COX5A: variants seen among roughly 807,000 people sequenced by gnomAD.
COX5A encodes the protein cytochrome c oxidase subunit 5A, mitochondrial.
Under a neutral mutation model 16.1 loss-of-function variants are expected in COX5A, and 6 were observed. The observed-to-expected ratio is 0.37, with a 90% confidence interval of 0.20 to 0.73. The LOEUF (loss-of-function observed/expected upper bound fraction) is 0.73, where lower values mean the gene tolerates loss of function less well. COX5A is among the 30% of genes least tolerant of loss of function. The probability of loss-of-function intolerance (pLI) is 0.50; values close to 1 mark genes in which losing one functional copy is unlikely to be tolerated. For missense variants in COX5A, 159 were observed against 194.9 expected, an observed-to-expected ratio of 0.82 and a Z score of 1.10; for synonymous variants, 73 against 73.8, an observed-to-expected ratio of 0.99 and a Z score of 0.06.
intron 1 of COX5A, 123 bp downstream of exon 1, chr15:74,937,792 C>G: frequency 1.7e-6 from 1 of 593,168 alleles, no homozygotes; most frequent in South Asian, 9.1e-5. Context: ...CCCGCGGTCA[C>G]CGGGTTCAGT....
At chr15:74,932,438 A>G (rs1392330356) in intron 1 of COX5A, among the ~76,000 whole-genome samples, 1 of 152,128 alleles carries the variant, frequency 6.6e-6, no homozygotes, top group Non-Finnish European at 1.5e-5. Flanking sequence ...GTGAGCCACC[A>G]TGCCCAGCCT....
intron 2 of COX5A, among the ~76,000 whole-genome samples, chr15:74,928,541 C>G (rs899869977): frequency 1.3e-5 from 2 of 152,082 alleles, no homozygotes; most frequent in Admixed American, 6.6e-5. Context: ...CCCGCCACCA[C>G]GTCCGGCTAA....
chr15:74,925,306 G>A (rs1358507510), intron 3 of COX5A, among the ~76,000 whole-genome samples: 2 of 151,880 alleles, frequency 1.3e-5, no homozygotes, highest in Non-Finnish European at 2.9e-5. Context: ...ACTCTGTCTC[G>A]AAAAAATAAA....
chr15:74,932,025 C>T (rs1163606807), intron 1 of COX5A, among the ~76,000 whole-genome samples: 1 of 152,216 alleles, frequency 6.6e-6, no homozygotes, highest in Non-Finnish European at 1.5e-5. Context: ...TCTTCGCTCT[C>T]TCTGTTTGAC....
chr15:74,929,071 A>G, intron 2 of COX5A, 45 bp downstream of exon 2: 4 of 1,346,578 alleles, frequency 3.0e-6, no homozygotes, highest in South Asian at 2.3e-5. Context: ...GAAGCAGTTC[A>G]TATTTACACA....
In COX5A at chr15:74,937,922, G is replaced by A; in HGVS notation, c.93C>T (p.Pro31=). 1 of 1,231,586 alleles carries A rather than the reference G, an allele frequency of 8.1e-7. No individual in the cohort carries two copies. Among genetic ancestry groups the A allele is most frequent in the East Asian group, 3.2e-5 (1 of 31,628 alleles). The allele number at this position is 1,231,586 out of a possible 1,614,324, so 76.3% of individuals were successfully genotyped here. A position where few individuals can be genotyped will look rare whatever the true frequency, so the allele number is the denominator to read the frequency against. The stretch of plus-strand genomic sequence containing the variant: ...GGCAAGCAGGGGCCTTACCCACGGC[G>A]GGGCCGGGGGTCCGGGCGGAGTGCA... ...GLLHSARTPG[P]AVAIQSVRCY... Residue 31 remains proline (P), a synonymous_variant, in exon 1 of 5, where the codon CCC becomes CCT. Transcript: ENST00000322347.
chr15:74,932,385 C>G (rs549689958), intron 1 of COX5A, among the ~76,000 whole-genome samples: 2 of 152,102 alleles, frequency 1.3e-5, no homozygotes, highest in Admixed American at 1.3e-4. Flanking sequence ...AAACTCCTAG[C>G]CTCAAGCAAT....
chr15:74,922,597 C>T (rs969795186), intron 4 of COX5A, among the ~76,000 whole-genome samples: 5 of 151,946 alleles, frequency 3.3e-5, no homozygotes, highest in Non-Finnish European at 5.9e-5. Context: ...TCAAGCAATC[C>T]TTCCACCTTA....
At chr15:74,927,636 G>T (rs2065350052) in intron 2 of COX5A, among the ~76,000 whole-genome samples, 2 of 152,070 alleles carry the variant, frequency 1.3e-5, no homozygotes, top group Admixed American at 1.3e-4. Context: ...GCCGGGCGTG[G>T]TGGCACATGC....
At chr15:74,923,270 A>G (rs755207017) in intron 4 of COX5A, among the ~76,000 whole-genome samples, 2 of 152,054 alleles carry the variant, frequency 1.3e-5, no homozygotes, top group African/African-American at 2.4e-5. Context: ...CTAAAAATAC[A>G]AAAATTAGCC....
intron 1 of COX5A, among the ~76,000 whole-genome samples, chr15:74,930,783 C>T (rs1451057033): frequency 7.4e-5 from 11 of 148,638 alleles, no homozygotes; most frequent in Admixed American, 1.3e-4. Flanking sequence ...TTTGGGAGGC[C>T]GAGATGGGCA....
chr15:74,922,367 AGAGT>A (rs1446101422), intron 4 of COX5A, among the ~76,000 whole-genome samples: 1 of 151,438 alleles, frequency 6.6e-6, no homozygotes, highest in East Asian at 1.9e-4. Flanking sequence ...CCTAGGTGAC[AGAGT>A]GAGACTCCGT....
intron 4 of COX5A, among the ~76,000 whole-genome samples, chr15:74,922,868 GC>G (rs1293545914): frequency 2.0e-5 from 3 of 151,846 alleles, no homozygotes; most frequent in Non-Finnish European, 4.4e-5. Flanking sequence ...GTTTCACCAT[GC>G]TGGTCTCGAA....
chr15:74,932,182 C>T (rs2065370396), intron 1 of COX5A, among the ~76,000 whole-genome samples: 1 of 152,010 alleles, frequency 6.6e-6, no homozygotes, highest in African/African-American at 2.4e-5. Context: ...ATAAACTAAC[C>T]CTTATCTAAA....
At chr15:74,928,534 G>A (rs545559048) in intron 2 of COX5A, among the ~76,000 whole-genome samples, 20 of 152,026 alleles carry the variant, frequency 1.3e-4, no homozygotes, top group Non-Finnish European at 2.2e-4. Context: ...ACAGGCGCCC[G>A]CCACCACGTC....
intron 2 of COX5A, among the ~76,000 whole-genome samples, chr15:74,927,950 GGCATGATTACTTTCAGATCT>G (rs1353325700): frequency 1.3e-5 from 2 of 152,008 alleles, no homozygotes; most frequent in Non-Finnish European, 2.9e-5. Context: ...AAAATGATTG[GGCATGATTACTTTCAGATCT>G]GCACAAAATG....
chr15:74,922,334 G>A (rs1185954775), intron 4 of COX5A, among the ~76,000 whole-genome samples: 2 of 149,652 alleles, frequency 1.3e-5, no homozygotes, highest in African/African-American at 4.9e-5. Flanking sequence ...TCAGTGAGCC[G>A]AGATCATGCC....
chr15:74,921,604 C>T lies in COX5A; in HGVS notation c.*10-1162G>A, dbSNP rs535660134. Among the ~76,000 whole-genome samples, 17 of 151,944 alleles carry T rather than the reference C, an allele frequency of 1.1e-4. No homozygotes were observed. The South Asian group carries it at 3.3e-3, about 30-fold the overall frequency. On this transcript the variant is annotated intron_variant, in intron 4 of 4. Transcript: ENST00000322347. ...AATGAACCGGGCATGGTGGTGGGCA[C>T]TTGTAATCCCAGCTACTAGGGAGGC...
chr15:74,932,357 G>GT (rs58883034), intron 1 of COX5A, among the ~76,000 whole-genome samples: 34,755 of 151,836 alleles, frequency 0.23, 4,940 homozygotes, highest in East Asian at 0.65. Flanking sequence ...GTCTTGATAT[G>GT]TTGCCCAGGG....
Sources: gnomAD v4.1 joint callset for allele counts (sites outside exome capture counted in the v4.1 genomes callset) on GRCh38, gnomAD v4.1.1 for gene constraint, MANE v1.5 for transcripts, NCBI Gene and HGNC (gene_info 2026-07-23, HGNC 2026-07-21) for gene names.